The following IL1RL2 variants were observed in gnomAD, a reference collection of about 807,000 sequenced individuals.
IL1RL2 encodes interleukin-1 receptor-like 2.
In IL1RL2, 68 loss-of-function variants were observed where a neutral mutation model predicts 66.8. The ratio of observed to expected loss-of-function variants is 1.02; its 90% CI spans 0.84 to 1.25. IL1RL2 has a LOEUF of 1.25. Among genes scored for constraint, IL1RL2 ranks in the 50% most tolerant of loss-of-function variants. The pLI, the probability that IL1RL2 is intolerant of heterozygous loss-of-function variation, is 0.00. For synonymous variants in IL1RL2, 305 were observed against 264.6 expected (o/e 1.15, Z -1.48); for missense variants, 729 against 709.3 (o/e 1.03, Z -0.32).
At chr2:102,195,169 G>C (rs1687559024) in intron 4 of IL1RL2, among the ~76,000 whole-genome samples, 1 of 152,154 alleles carries the variant, frequency 6.6e-6, no homozygotes, top group Non-Finnish European at 1.5e-5. Flanking sequence ...CTGGATATCA[G>C]TAATTGTTAC....
downstream of IL1RL2, among the ~76,000 whole-genome samples, chr2:102,240,704 T>C (rs1486078726): frequency 6.6e-6 from 1 of 152,242 alleles, no homozygotes; most frequent in East Asian, 1.9e-4. Context: ...CACGATACTT[T>C]GGCTACTTTG....
chr2:102,215,410 A>T (rs1689523061), intron 6 of IL1RL2, among the ~76,000 whole-genome samples: 1 of 152,112 alleles, frequency 6.6e-6, no homozygotes, highest in African/African-American at 2.4e-5. Flanking sequence ...GGTTACTTAG[A>T]GTATGGGCCC....
chr2:102,232,951 A>G lies in IL1RL2; in HGVS notation c.1136-12A>G. ...AGCAACAATTCCACAAGCTTGTCCA[A>G]TTCCTTTTCAGATGGGAAGCTGTAT... On this transcript the variant is annotated splice_polypyrimidine_tract_variant and intron_variant, in intron 9 of 11. Coordinates refer to ENST00000264257, the MANE Select transcript of IL1RL2 (RefSeq NM_003854.4). 1.2e-6 allele frequency: 2 copies of G among 1,602,832 alleles called. No individual in the cohort carries two copies. The highest frequency in any genetic ancestry group is 2.7e-5 in the African/African-American group (2 of 74,716).
intron 3 of IL1RL2, 29 bp downstream of exon 3, chr2:102,189,339 C>G (rs1290366630): frequency 2.2e-6 from 3 of 1,354,514 alleles, no homozygotes; most frequent in South Asian, 1.2e-5. Context: ...ATAGAACTAA[C>G]TCGTGTGTGT....
At chr2:102,234,785 TCA>T in intron 10 of IL1RL2, 110 bp from the exon 11 acceptor site, 1 of 1,007,442 alleles carries the variant, frequency 9.9e-7, no homozygotes, top group Non-Finnish European at 1.5e-6. Context: ...AGACTTCACT[TCA>T]AAAAAAAAAA....
intron 5 of IL1RL2, among the ~76,000 whole-genome samples, chr2:102,203,113 T>C (rs907048163): frequency 7.9e-5 from 12 of 152,208 alleles, no homozygotes; most frequent in African/African-American, 2.9e-4. Context: ...TCAAATGCTT[T>C]TTCCGCATCA....
At chr2:102,202,107 C>A (rs1688308505) in intron 5 of IL1RL2, among the ~76,000 whole-genome samples, 1 of 152,100 alleles carries the variant, frequency 6.6e-6, no homozygotes, top group African/African-American at 2.4e-5. Context: ...CCAGCTGAGG[C>A]CTCCCCTGCC....
chr2:102,204,145 T>C (rs1221338882), intron 5 of IL1RL2, among the ~76,000 whole-genome samples: 1 of 152,178 alleles, frequency 6.6e-6, no homozygotes, highest in Non-Finnish European at 1.5e-5. Context: ...GACCCACTGG[T>C]CATTCAGAAG....
At chr2:102,187,799 G>T in intron 1 of IL1RL2, 57 bp from the exon 2 acceptor site, 3 of 1,456,186 alleles carry the variant, frequency 2.1e-6, no homozygotes, top group East Asian at 2.3e-5. Flanking sequence ...CCACGCCGGC[G>T]CCTCGGGCCC....
At chr2:102,220,108 T>C (rs1689971214) in intron 8 of IL1RL2, 91 bp downstream of exon 8, 1 of 1,208,030 alleles carries the variant, frequency 8.3e-7, no homozygotes. Flanking sequence ...AAATGCTCAG[T>C]GTGAGGCATG....
chr2:102,235,753 G>A, intron 11 of IL1RL2: 1 of 985,368 alleles, frequency 1.0e-6, no homozygotes, highest in Non-Finnish European at 1.2e-6. Context: ...TGTCTTCAGG[G>A]CCCCATGCTC....
Position 102,201,755 on chromosome 2 carries a change from TG to T in IL1RL2, c.649+42del, listed in dbSNP as rs756657232. ...GTATGCCTGTCGCCTTGTATTCTCT[TG>T]GCTTTGTGTGAACTGGCTTCTGGCT... On this transcript the variant is annotated intron_variant, in intron 5 of 11. Coordinates refer to ENST00000264257, the MANE Select transcript of IL1RL2 (RefSeq NM_003854.4). The T allele has an allele frequency of 1.9e-6, 3 of 1,585,858 alleles. No homozygotes were observed. The Admixed American group carries it at 5.2e-5, about 28-fold the overall frequency.
In IL1RL2 at chr2:102,212,143, T is replaced by C; in HGVS notation, c.693T>C (p.Tyr231=). 2 of 1,613,472 alleles carry C rather than the reference T, an allele frequency of 1.2e-6. No individual in the cohort carries two copies. The highest frequency in any genetic ancestry group is 2.2e-5 in the South Asian group (2 of 91,070). The change falls in exon 6 of 12, where the codon TAT becomes TAC. Residue 231 remains tyrosine (Y), a synonymous_variant. Transcript: ENST00000264257. ...GAGGAAGTGTCCCTAAAATCATTTA[T>C]CCAAAAAATCATTCAATTGAAGTAC... is the stretch of plus-strand genomic sequence containing the variant. ...GYGGSVPKII[Y]PKNHSIEVQL... is the part of the protein sequence containing the mutation.
chr2:102,192,151 C>T (rs1687286023), intron 4 of IL1RL2, 31 bp downstream of exon 4: 1 of 1,447,762 alleles, frequency 6.9e-7, no homozygotes, highest in Non-Finnish European at 9.3e-7. Flanking sequence ...TGATATTTTT[C>T]CTCCTTTTCT....
In IL1RL2 at chr2:102,233,043, T is replaced by C. The variant is rs765575112; in HGVS notation, c.1216T>C (p.Leu406=). 2 of 1,614,190 alleles carry C rather than the reference T, an allele frequency of 1.2e-6. No homozygotes were observed. Among genetic ancestry groups the C allele is most frequent in the East Asian group, 2.2e-5 (1 of 44,888 alleles). ...GAGGCATGCCGTGGATGCCCTGGTGTTGAATATCCTGCCCGAGGTGTTGGA... is the reference window on the plus strand; with the variant it reads ...GAGGCATGCCGTGGATGCCCTGGTGCTGAATATCCTGCCCGAGGTGTTGGA... ...SQRHAVDALV[L]NILPEVLERQ... is the part of the protein sequence containing the mutation. The change falls in exon 10 of 12, where the codon TTG becomes CTG. Residue 406 remains leucine, a synonymous_variant. Coordinates refer to ENST00000264257, the MANE Select transcript of IL1RL2 (RefSeq NM_003854.4).
At chr2:102,193,063 C>T (rs186999618) in intron 4 of IL1RL2, among the ~76,000 whole-genome samples, 8 of 152,206 alleles carry the variant, frequency 5.3e-5, no homozygotes, top group Admixed American at 4.6e-4. Context: ...TACACACACA[C>T]GTGCACACAC....
intron 5 of IL1RL2, among the ~76,000 whole-genome samples, chr2:102,203,033 T>G (rs1201477796): frequency 6.6e-6 from 1 of 152,232 alleles, no homozygotes; most frequent in Non-Finnish European, 1.5e-5. Context: ...ATATGGCTTT[T>G]ATTACATTGA....
chr2:102,235,090 G>T lies in IL1RL2; in HGVS notation c.1491G>T (p.Met497Ile). 1.2e-6 allele frequency: 2 copies of T among 1,614,238 alleles called. No homozygotes were observed. The highest frequency in any genetic ancestry group is 1.7e-6 in the Non-Finnish European group (2 of 1,180,050). Residue 497 changes from methionine to isoleucine, a missense_variant, in exon 11 of 12, where the codon ATG (methionine) becomes ATT (isoleucine). Physicochemically the swap from Met to Ile is conservative, Grantham distance 10. Coordinates refer to ENST00000264257, the MANE Select transcript of IL1RL2 (RefSeq NM_003854.4). Reference protein sequence around the residue: ...ELEKIEDYTVMPESIQYIKQK... With the variant: ...ELEKIEDYTVIPESIQYIKQK... ...AGAAAATCGAGGACTACACAGTCAT[G>T]CCAGAGTCAATTCAGTACATCAAAC...
At position 102,225,882 on chromosome 2, in the gene IL1RL2, T is replaced by G. The variant is rs1407031845; in HGVS notation, c.992-16T>G. ...TATAATTATAATTATTATTATTTTTTTGCTGTCATTTGTAGCTCCGGATTT... is the reference window on the plus strand; with the variant it reads ...TATAATTATAATTATTATTATTTTTGTGCTGTCATTTGTAGCTCCGGATTT... On this transcript the variant is annotated splice_polypyrimidine_tract_variant and intron_variant, in intron 8 of 11. Transcript: ENST00000264257. The G allele has an allele frequency of 2.7e-6, 4 of 1,506,482 alleles. No homozygotes were observed. The highest frequency in any genetic ancestry group is 1.8e-4 in the Middle Eastern group (1 of 5,694). 93.3% of individuals were successfully genotyped at this position (1,506,482 alleles called of 1,614,324 possible).
Sources: allele counts gnomAD v4.1 joint callset (sites outside exome capture counted in the v4.1 genomes callset), GRCh38; gene constraint gnomAD v4.1.1; transcripts MANE v1.5; gene names NCBI Gene and HGNC (gene_info 2026-07-23, HGNC 2026-07-21).